Variants in SLC44A1 observed in about 807,000 individuals in gnomAD.
SLC44A1 encodes the protein choline transporter-like protein 1.
Under a neutral mutation model 79.3 loss-of-function variants are expected in SLC44A1, and 26 were observed. The ratio of observed to expected loss-of-function variants is 0.33; its 90% confidence interval spans 0.24 to 0.46. SLC44A1 has a LOEUF of 0.46. Ranked by LOEUF, SLC44A1 falls within the 20% of genes least tolerant of loss-of-function variation. SLC44A1 has a pLI of 1.00. For missense variants in SLC44A1, 688 were observed against 798.1 expected (o/e 0.86, Z 1.66); for synonymous variants, 263 against 286.2 (o/e 0.92, Z 0.82).
intron 1 of SLC44A1, among the ~76,000 whole-genome samples, chr9:105,269,677 C>A (rs928801436): frequency 6.6e-6 from 1 of 152,170 alleles, no homozygotes; most frequent in African/African-American, 2.4e-5. Context: ...TCACTTTCTT[C>A]CCCCTTTTAA....
intron 15 of SLC44A1, among the ~76,000 whole-genome samples, chr9:105,412,855 G>A (rs1024731569): frequency 2.6e-5 from 4 of 151,848 alleles, no homozygotes; most frequent in Admixed American, 6.6e-5. Flanking sequence ...CACCCGCCTC[G>A]GCCTCCCAAA....
rs753256346 is a variant in SLC44A1 at position 105,393,805 on chromosome 9, T to C, written c.*4749T>C. On this transcript the variant is annotated 3_prime_UTR_variant, in exon 16 of 16. Coordinates refer to ENST00000374720, the MANE Select transcript of SLC44A1 (RefSeq NM_080546.5). ...TGTTCGAGACCTATTAGGCTATTCT[T>C]CAGTTTTGATGCTCAGTTTTACAAC... 36 of 985,156 alleles carry C rather than the reference T, an allele frequency of 3.7e-5. No homozygotes were observed. Among genetic ancestry groups the C allele is most frequent in the Admixed American group, 6.2e-5 (1 of 16,258 alleles). 61.0% of individuals were successfully genotyped at this position (985,156 alleles called of 1,614,324 possible). A position where few individuals can be genotyped will look rare whatever the true frequency, so the allele number is the denominator to read the frequency against.
intron 3 of SLC44A1, among the ~76,000 whole-genome samples, chr9:105,316,772 A>G (rs887424201): frequency 2.0e-5 from 3 of 152,206 alleles, no homozygotes; most frequent in Admixed American, 1.3e-4. Context: ...GGAGAGGAAA[A>G]GAAGGCAATT....
chr9:105,304,944 G>GTTTTTTTTTGTTTTTTTTTTT lies in SLC44A1; in HGVS notation c.127-4771_127-4770insGTTTTTTTTTTTTTTTTTTTT, dbSNP rs1554790127. ...GTAGTTATTCCCTAGACTTTCTATC[G>GTTTTTTTTTGTTTTTTTTTTT]TTTTTTTTTTTTTTTTTTTTTTTTT... On this transcript the variant is annotated intron_variant, in intron 2 of 15. Transcript: ENST00000374720. Among the ~76,000 whole-genome samples, 16 of 20,086 alleles carry GTTTTTTTTTGTTTTTTTTTTT rather than the reference G, an allele frequency of 8.0e-4. 6 individuals carry two copies. Among genetic ancestry groups the GTTTTTTTTTGTTTTTTTTTTT allele is most frequent in the East Asian group, 2.0e-3 (1 of 512 alleles). 13.2% of individuals were successfully genotyped at this position (20,086 alleles called of 152,430 possible). A position where few individuals can be genotyped will look rare whatever the true frequency, so the allele number is the denominator to read the frequency against.
intron 13 of SLC44A1, among the ~76,000 whole-genome samples, chr9:105,375,360 G>A (rs1828247047): frequency 6.6e-6 from 1 of 152,158 alleles, no homozygotes; most frequent in Non-Finnish European, 1.5e-5. Context: ...GTTTTGAACT[G>A]TAAAGAATTA....
At chr9:105,357,076 A>C (rs1411796151) in intron 6 of SLC44A1, 1 of 152,322 alleles carries the variant, frequency 6.6e-6, no homozygotes, top group East Asian at 1.9e-4. Context: ...GCCTGTTAAC[A>C]ATTATAGCCA....
chr9:105,356,122 C>A, intron 5 of SLC44A1, 90 bp from the exon 6 acceptor site: 1 of 975,024 alleles, frequency 1.0e-6, no homozygotes, highest in Non-Finnish European at 1.6e-6. Context: ...TGTATTGCAG[C>A]CATATTCACC....
chr9:105,266,977 GT>G (rs200520317), intron 1 of SLC44A1, among the ~76,000 whole-genome samples: 1,768 of 151,402 alleles, frequency 0.012, 33 homozygotes, highest in African/African-American at 0.041. Flanking sequence ...CCTTCTTTGA[GT>G]TTTTTTTTCT....
intron 1 of SLC44A1, among the ~76,000 whole-genome samples, chr9:105,276,746 A>G (rs1564409525): frequency 1.3e-5 from 2 of 152,144 alleles, no homozygotes; most frequent in African/African-American, 4.8e-5. Context: ...GTCAGGAGGC[A>G]ATCCTGAGAG....
Position 105,394,405 on chromosome 9 carries a change from G to A in SLC44A1, c.*5349G>A. On this transcript the variant is annotated 3_prime_UTR_variant, in exon 16 of 16. Coordinates refer to ENST00000374720, the MANE Select transcript of SLC44A1 (RefSeq NM_080546.5). ...ACAGTAAGATTTTCTTTCCTTGGAGGTATGAGGGTGTGTATGTGTGTGTGT... is the reference window on the plus strand; with the variant it reads ...ACAGTAAGATTTTCTTTCCTTGGAGATATGAGGGTGTGTATGTGTGTGTGT... 1 of 966,976 alleles carries A rather than the reference G, an allele frequency of 1.0e-6. No homozygotes were observed. Among genetic ancestry groups the A allele is most frequent in the South Asian group, 5.0e-5 (1 of 20,184 alleles). The allele number at this position is 966,976 out of a possible 1,614,324, so 59.9% of individuals were successfully genotyped here.
At chr9:105,359,729 A>G (rs1481404700) in intron 7 of SLC44A1, among the ~76,000 whole-genome samples, 1 of 152,148 alleles carries the variant, frequency 6.6e-6, no homozygotes, top group Non-Finnish European at 1.5e-5. Context: ...TGAATATATT[A>G]AACATTTTTC....
chr9:105,422,533 C>T (rs1210436266), intron 15 of SLC44A1, among the ~76,000 whole-genome samples: 1 of 151,764 alleles, frequency 6.6e-6, no homozygotes, highest in African/African-American at 2.4e-5. Flanking sequence ...GTGATCTGTC[C>T]CTTCAGCCTC....
At chr9:105,373,501 A>G (rs919758355) in intron 12 of SLC44A1, among the ~76,000 whole-genome samples, 1 of 152,262 alleles carries the variant, frequency 6.6e-6, no homozygotes, top group Non-Finnish European at 1.5e-5. Flanking sequence ...AAAACGTGTC[A>G]GCTAGAACTC....
At position 105,393,281 on chromosome 9, in the gene SLC44A1, G is replaced by A. The variant is rs1828807330; in HGVS notation, c.*4225G>A. ...GAAAAGTAGGCACTATTCATACACA[G>A]TAGCTTCTTGGAATTAACTCATCTT... On this transcript the variant is annotated 3_prime_UTR_variant, in exon 16 of 16. Transcript: ENST00000374720. 1 of 985,420 alleles carries A rather than the reference G, an allele frequency of 1.0e-6. No individual in the cohort carries two copies. The highest frequency in any genetic ancestry group is 1.2e-6 in the Non-Finnish European group (1 of 829,924). 61.0% of individuals were successfully genotyped at this position (985,420 alleles called of 1,614,324 possible).
chr9:105,380,717 TATCTCCATCCATGTGG>T (rs1388860459), intron 13 of SLC44A1, among the ~76,000 whole-genome samples: 1 of 152,186 alleles, frequency 6.6e-6, no homozygotes, highest in African/African-American at 2.4e-5. Flanking sequence ...AGGACGTGGG[TATCTCCATCCATGTGG>T]ATCTCCATCC....
intron 15 of SLC44A1, among the ~76,000 whole-genome samples, chr9:105,438,092 T>C (rs1005404544): frequency 1.3e-5 from 2 of 152,014 alleles, no homozygotes; most frequent in African/African-American, 2.4e-5. Context: ...ACACAGTTGA[T>C]AAGGGGATCT....
intron 3 of SLC44A1, among the ~76,000 whole-genome samples, chr9:105,312,958 A>G (rs1831220955): frequency 1.3e-5 from 2 of 152,134 alleles, no homozygotes; most frequent in African/African-American, 4.8e-5. Flanking sequence ...TGTCTATAGC[A>G]TCAAAGAAGA....
intron 7 of SLC44A1, among the ~76,000 whole-genome samples, chr9:105,359,762 A>C (rs978595730): frequency 6.6e-6 from 1 of 152,268 alleles, no homozygotes; most frequent in African/African-American, 2.4e-5. Flanking sequence ...TTGTGCCTGC[A>C]AGACTTCAAA....
intron 15 of SLC44A1, among the ~76,000 whole-genome samples, chr9:105,428,706 CT>C (rs144468473): frequency 2.7e-5 from 4 of 150,662 alleles, no homozygotes; most frequent in African/African-American, 4.9e-5. Context: ...TTATTCATAA[CT>C]TTTTTTTTTG....
Sources: gnomAD v4.1 joint callset for allele counts (sites outside exome capture counted in the v4.1 genomes callset) on GRCh38, gnomAD v4.1.1 for gene constraint, MANE v1.5 for transcripts, NCBI Gene and HGNC (gene_info 2026-07-23, HGNC 2026-07-21) for gene names.